NXPH1: variants seen among roughly 807,000 people sequenced by gnomAD.
NXPH1 encodes neurexophilin 1, also known as neurexophilin-1.
NXPH1 carries 5 observed loss-of-function variants against 23.7 expected under a neutral mutation model. That is an observed-to-expected ratio of 0.21 (90% CI 0.11 to 0.44). The LOEUF (loss-of-function observed/expected upper bound fraction) is 0.44. Ranked by LOEUF, NXPH1 falls within the 20% of genes least tolerant of loss-of-function variation. The pLI is 0.99. For synonymous variants in NXPH1, 144 were observed against 122.2 expected (o/e 1.18, Z -1.18); for missense variants, 324 against 321.6 (o/e 1.01, Z -0.06).
intron 2 of NXPH1, among the ~76,000 whole-genome samples, chr7:8,685,730 A>G (rs932284079): frequency 2.0e-5 from 3 of 151,852 alleles, no homozygotes; most frequent in African/African-American, 7.3e-5. Context: ...CACCAATTGA[A>G]CTCATCGATA....
chr7:8,619,160 T>C (rs887626688), intron 2 of NXPH1, among the ~76,000 whole-genome samples: 2 of 152,204 alleles, frequency 1.3e-5, no homozygotes, highest in Non-Finnish European at 1.5e-5. Context: ...TTTCTGCTTT[T>C]GCCATGTGTT....
intron 2 of NXPH1, among the ~76,000 whole-genome samples, chr7:8,566,944 T>A (rs963839008): frequency 3.3e-5 from 5 of 151,848 alleles, no homozygotes; most frequent in African/African-American, 1.2e-4. Flanking sequence ...TCAAATTGTT[T>A]CAAGAACAAG....
chr7:8,558,672 C>T (rs1334757518), intron 2 of NXPH1, among the ~76,000 whole-genome samples: 2 of 151,614 alleles, frequency 1.3e-5, no homozygotes, highest in East Asian at 3.9e-4. Context: ...CAACCTTTTC[C>T]TTTTATATGA....
chr7:8,447,620 G>T (rs892817202), intron 2 of NXPH1, among the ~76,000 whole-genome samples: 1 of 152,220 alleles, frequency 6.6e-6, no homozygotes, highest in African/African-American at 2.4e-5. Flanking sequence ...TATGAGCTGA[G>T]CTACCACTTT....
At chr7:8,620,300 T>C (rs1487089122) in intron 2 of NXPH1, among the ~76,000 whole-genome samples, 1 of 152,192 alleles carries the variant, frequency 6.6e-6, no homozygotes, top group Non-Finnish European at 1.5e-5. Flanking sequence ...CTGATACTCA[T>C]ATATATTTAC....
Position 8,670,373 on chromosome 7 carries a change from C to T in NXPH1, c.55-80635C>T, listed in dbSNP as rs557587579. ...CTTCTTAAACATTTCTACTTAAAAC[C>T]AATGTTAAAACCAAATTGGATTTAC... On this transcript the variant is annotated intron_variant, in intron 2 of 2. Transcript: ENST00000405863. Among the ~76,000 whole-genome samples the T allele has an allele frequency of 1.1e-4, 17 of 152,234 alleles. 1 individual carries two copies. Among genetic ancestry groups the T allele is most frequent in the African/African-American group, 3.9e-4 (16 of 41,518 alleles).
At chr7:8,457,437 G>A (rs143260207) in intron 2 of NXPH1, among the ~76,000 whole-genome samples, 1 of 152,092 alleles carries the variant, frequency 6.6e-6, no homozygotes, top group East Asian at 1.9e-4. Flanking sequence ...GTGACAGCTA[G>A]GCCTGGAGGC....
chr7:8,741,936 T>C (rs1261021174), intron 2 of NXPH1, among the ~76,000 whole-genome samples: 2 of 152,146 alleles, frequency 1.3e-5, no homozygotes, highest in Non-Finnish European at 2.9e-5. Flanking sequence ...CAAATATTCT[T>C]AAGACTGTAG....
At chr7:8,646,015 C>T (rs183044598) in intron 2 of NXPH1, among the ~76,000 whole-genome samples, 1 of 152,136 alleles carries the variant, frequency 6.6e-6, no homozygotes, top group African/African-American at 2.4e-5. Context: ...CTTGTCAAGT[C>T]CTCTCATGAC....
chr7:8,475,870 A>G (rs181881484), intron 2 of NXPH1, among the ~76,000 whole-genome samples: 1 of 152,186 alleles, frequency 6.6e-6, no homozygotes, highest in Admixed American at 6.5e-5. Context: ...TTGAACTGGC[A>G]TTTGAATTCT....
At chr7:8,648,140 C>G (rs1820425615) in intron 2 of NXPH1, among the ~76,000 whole-genome samples, 1 of 149,042 alleles carries the variant, frequency 6.7e-6, no homozygotes, top group African/African-American at 2.4e-5. Context: ...TCCCCTCAAG[C>G]ATTTATCCTT....
chr7:8,607,306 C>T (rs185310503), intron 2 of NXPH1, among the ~76,000 whole-genome samples: 26 of 152,252 alleles, frequency 1.7e-4, no homozygotes, highest in Admixed American at 1.4e-3. Flanking sequence ...GTTAAAAGCA[C>T]AGTTTAATTA....
chr7:8,653,855 A>C (rs1216355957), intron 2 of NXPH1, among the ~76,000 whole-genome samples: 1 of 152,198 alleles, frequency 6.6e-6, no homozygotes, highest in African/African-American at 2.4e-5. Context: ...ATTTCTTACA[A>C]TACATAGCTG....
intron 2 of NXPH1, among the ~76,000 whole-genome samples, chr7:8,679,361 C>T (rs1821015912): frequency 6.6e-6 from 1 of 152,114 alleles, no homozygotes; most frequent in Admixed American, 6.5e-5. Flanking sequence ...AATATAATTT[C>T]AAGGAATTGG....
intron 2 of NXPH1, among the ~76,000 whole-genome samples, chr7:8,536,585 G>A (rs534452384): frequency 1.4e-5 from 2 of 146,194 alleles, no homozygotes; most frequent in South Asian, 2.3e-4. Context: ...ACAGAAAGGA[G>A]GCTATTGTGA....
intron 2 of NXPH1, among the ~76,000 whole-genome samples, chr7:8,452,649 A>T (rs1816526957): frequency 6.6e-6 from 1 of 152,138 alleles, no homozygotes; most frequent in Non-Finnish European, 1.5e-5. Context: ...ATGTGGTGGA[A>T]AGAGGGGAAA....
chr7:8,658,807 T>A (rs12531331), intron 2 of NXPH1, among the ~76,000 whole-genome samples: 96,854 of 151,986 alleles, frequency 0.64, 31,713 homozygotes, highest in Middle Eastern at 0.76. Context: ...AAAATAATAT[T>A]GATTAATGTG....
At chr7:8,691,231 A>G (rs1262122905) in intron 2 of NXPH1, among the ~76,000 whole-genome samples, 1 of 152,010 alleles carries the variant, frequency 6.6e-6, no homozygotes, top group African/African-American at 2.4e-5. Context: ...CATGACCTCC[A>G]TCCACCTCCT....
intron 2 of NXPH1, among the ~76,000 whole-genome samples, chr7:8,583,255 C>T (rs912686284): frequency 6.6e-6 from 1 of 152,210 alleles, no homozygotes; most frequent in Non-Finnish European, 1.5e-5. Flanking sequence ...CATTTCCCAA[C>T]CATCTACTAT....
Sources: allele counts gnomAD v4.1 joint callset (sites outside exome capture counted in the v4.1 genomes callset), GRCh38; gene constraint gnomAD v4.1.1; transcripts MANE v1.5; gene names NCBI Gene and HGNC (gene_info 2026-07-23, HGNC 2026-07-21).